EIF2B3: variants seen among roughly 807,000 people sequenced by gnomAD.
EIF2B3 encodes eukaryotic translation initiation factor 2B subunit gamma.
Under a neutral mutation model 54.1 loss-of-function variants are expected in EIF2B3, and 20 were observed. That is an observed-to-expected ratio of 0.37 (90% CI 0.26 to 0.54). The LOEUF (loss-of-function observed/expected upper bound fraction) is 0.54. EIF2B3 is among the 20% of genes least tolerant of loss of function. The pLI is 0.86. For synonymous variants in EIF2B3, 153 were observed against 188.1 expected (o/e 0.81, Z 1.52); for missense variants, 448 against 547.8 (o/e 0.82, Z 1.82).
chr1:44,941,540 T>G lies in EIF2B3; in HGVS notation c.420A>C (p.Glu140Asp). Residue 140 changes from glutamate (E) to aspartate (D), a missense_variant, in exon 4 of 12, where the codon GAA (glutamate) becomes GAC (aspartate). By Grantham distance (45) the Glu-to-Asp change is conservative. Around this residue, in one of 3 missense-constraint regions of EIF2B3, gnomAD observed 350 missense variants for 414.2 expected, o/e 0.85. Transcript: ENST00000360403. ...TTTTCCCCTTTTGACCGGGAACAGG[T>G]TCTATGCTATCTTGGCCTTTTCTCA... ...MLMRKGQDSI[E>D]PVPGQKGKKK... 6.2e-7 allele frequency: 1 copy of G among 1,613,152 alleles called. No homozygotes were observed. Among genetic ancestry groups the G allele is most frequent in the Non-Finnish European group, 8.5e-7 (1 of 1,179,528 alleles).
At chr1:44,874,464 C>T in intron 10 of EIF2B3, 1 of 569,398 alleles carries the variant, frequency 1.8e-6, no homozygotes, top group Non-Finnish European at 3.1e-6. Flanking sequence ...TGTTTCTGAT[C>T]TTTCTCTGTT....
intron 1 of EIF2B3, among the ~76,000 whole-genome samples, chr1:44,983,041 A>C (rs1475799658): frequency 6.6e-6 from 1 of 152,158 alleles, no homozygotes; most frequent in Admixed American, 6.5e-5. Context: ...AAGTGCTGGG[A>C]TTACAGGTAT....
intron 10 of EIF2B3, among the ~76,000 whole-genome samples, chr1:44,870,824 T>C (rs928423786): frequency 6.6e-6 from 1 of 152,072 alleles, no homozygotes; most frequent in Non-Finnish European, 1.5e-5. Flanking sequence ...AGCTAATTTT[T>C]GTATTTTTGG....
At chr1:44,961,040 TA>T (rs1207218819) in intron 3 of EIF2B3, among the ~76,000 whole-genome samples, 9,815 of 146,620 alleles carry the variant, frequency 0.067, 1,068 homozygotes, top group African/African-American at 0.23. Flanking sequence ...ATGTAGCTGT[TA>T]AAAAAAAAAA....
intron 6 of EIF2B3, among the ~76,000 whole-genome samples, chr1:44,894,354 G>A (rs1455838139): frequency 6.6e-6 from 1 of 152,056 alleles, no homozygotes; most frequent in Non-Finnish European, 1.5e-5. Flanking sequence ...TCTTCTCTCT[G>A]CAGCTCTCCC....
At chr1:44,959,265 C>CTT in intron 3 of EIF2B3, 3 of 671,148 alleles carry the variant, frequency 4.5e-6, no homozygotes, top group South Asian at 3.0e-5. Context: ...CAGTTCAGAC[C>CTT]TTTTTTTTTG....
intron 1 of EIF2B3, among the ~76,000 whole-genome samples, chr1:44,984,132 G>C (rs780728657): frequency 5.9e-5 from 9 of 152,030 alleles, no homozygotes; most frequent in Non-Finnish European, 8.8e-5. Flanking sequence ...TGAGCTGAGA[G>C]CACACCACTC....
intron 10 of EIF2B3, among the ~76,000 whole-genome samples, chr1:44,871,527 A>G (rs1654965721): frequency 6.6e-6 from 1 of 152,208 alleles, no homozygotes. Context: ...TCTTGTATCC[A>G]TCCCTCTCTG....
intron 3 of EIF2B3, among the ~76,000 whole-genome samples, chr1:44,970,209 A>C (rs1644385995): frequency 6.6e-6 from 1 of 152,230 alleles, no homozygotes; most frequent in Non-Finnish European, 1.5e-5. Flanking sequence ...AATATCCTAT[A>C]AGCACATGTG....
intron 5 of EIF2B3, among the ~76,000 whole-genome samples, chr1:44,915,218 T>C (rs1344071359): frequency 6.6e-6 from 1 of 150,950 alleles, no homozygotes; most frequent in East Asian, 2.0e-4. Context: ...GAGAATTGCT[T>C]GAGCCTGGGA....
At chr1:44,978,621 CTTTTTTTTTTT>C (rs57964686) in intron 2 of EIF2B3, among the ~76,000 whole-genome samples, 161 bp from the exon 3 acceptor site, 44 of 76,634 alleles carry the variant, frequency 5.7e-4, no homozygotes, top group Admixed American at 3.1e-3. Flanking sequence ...CCAATAAATT[CTTTTTTTTTTT>C]TTTTTTTTTT....
chr1:44,978,772 G>A (rs12022358), intron 2 of EIF2B3, among the ~76,000 whole-genome samples: 3 of 151,242 alleles, frequency 2.0e-5, no homozygotes, highest in Non-Finnish European at 4.4e-5. Flanking sequence ...AAGTAGCTGA[G>A]ACTACAGGCA....
intron 9 of EIF2B3, 88 bp from the exon 10 acceptor site, chr1:44,874,914 G>A: frequency 6.6e-7 from 1 of 1,522,488 alleles, no homozygotes; most frequent in African/African-American, 1.4e-5. Flanking sequence ...GATCTAATGG[G>A]ATCTTTCCAT....
intron 5 of EIF2B3, among the ~76,000 whole-genome samples, chr1:44,912,575 C>G (rs1217199392): frequency 6.6e-6 from 1 of 152,228 alleles, no homozygotes; most frequent in South Asian, 2.1e-4. Context: ...CACCTTTGCT[C>G]GTGGCATTCT....
intron 3 of EIF2B3, among the ~76,000 whole-genome samples, chr1:44,956,886 C>T (rs1323106808): frequency 6.6e-6 from 1 of 152,106 alleles, no homozygotes; most frequent in Admixed American, 6.6e-5. Flanking sequence ...GTAGGTTTCT[C>T]TATAACCTAA....
intron 3 of EIF2B3, among the ~76,000 whole-genome samples, chr1:44,945,740 A>T (rs557182530): frequency 6.6e-6 from 1 of 152,202 alleles, no homozygotes; most frequent in Non-Finnish European, 1.5e-5. Flanking sequence ...TCATTACTAA[A>T]GACATTCACA....
At position 44,881,664 on chromosome 1, in the gene EIF2B3, C is replaced by T. The variant is rs376435117; in HGVS notation, c.732G>A (p.Gln244=). The part of the protein sequence containing the change: ...RKQFSSASSQ[Q]GQEEKEEDLK... ...GATCCTCCTCTTTTTCTTCTTGTCC[C>T]TGTTGTGAGGAAGCTGAGGAAAACT... is the stretch of plus-strand genomic sequence containing the variant. The change falls in exon 7 of 12, where the codon CAG becomes CAA. Residue 244 remains glutamine (Q), a synonymous_variant. Coordinates refer to ENST00000360403, the MANE Select transcript of EIF2B3 (RefSeq NM_020365.5). This position sits in a 1 kb window ranked among gnomAD's most constrained non-coding sequence, Gnocchi z 4.0. 8.1e-6 allele frequency: 13 copies of T among 1,613,996 alleles called. No individual in the cohort carries two copies. The highest frequency in any genetic ancestry group is 4.0e-5 in the African/African-American group (3 of 74,896).
At chr1:44,950,445 A>G (rs2148947810) in intron 3 of EIF2B3, among the ~76,000 whole-genome samples, 1 of 152,256 alleles carries the variant, frequency 6.6e-6, no homozygotes, top group South Asian at 2.1e-4. Flanking sequence ...AACAAAACAG[A>G]AAATTCAAGA....
At chr1:44,942,740 T>C (rs1000870159) in intron 3 of EIF2B3, among the ~76,000 whole-genome samples, 1 of 151,794 alleles carries the variant, frequency 6.6e-6, no homozygotes, top group African/African-American at 2.4e-5. Context: ...AATTCTAATA[T>C]CTCAGATTAA....
Sources: gnomAD v4.1 joint callset for allele counts (sites outside exome capture counted in the v4.1 genomes callset) on GRCh38, gnomAD v4.1.1 for gene constraint, gnomAD v4.1.1 regional missense constraint, Gnocchi (gnomAD v3.1) non-coding constraint, MANE v1.5 for transcripts, NCBI Gene and HGNC (gene_info 2026-07-23, HGNC 2026-07-21) for gene names.